AKAP13: variants seen among roughly 807,000 people sequenced by gnomAD.
AKAP13 encodes A-kinase anchoring protein 13.
In AKAP13, 80 loss-of-function variants were observed where a neutral mutation model predicts 264.5. The observed-to-expected ratio is 0.30, with a 90% confidence interval of 0.25 to 0.36. AKAP13 has a LOEUF of 0.36. AKAP13 is among the 10% of genes least tolerant of loss of function. AKAP13 has a pLI of 1.00. For synonymous variants in AKAP13, 1,380 were observed against 1,250.2 expected (o/e 1.10, Z -2.19); for missense variants, 3,712 against 3,435.2 (o/e 1.08, Z -2.01).
intron 1 of AKAP13, among the ~76,000 whole-genome samples, chr15:85,473,265 A>G (rs2151027136): frequency 6.6e-6 from 1 of 152,288 alleles, no homozygotes; most frequent in South Asian, 2.1e-4. Flanking sequence ...GGGTGGGAGT[A>G]AAGAGTAGGG....
At chr15:85,419,247 C>T (rs187171307) in intron 1 of AKAP13, among the ~76,000 whole-genome samples, 9 of 152,232 alleles carry the variant, frequency 5.9e-5, no homozygotes, top group Admixed American at 5.2e-4. Context: ...TAAAAGAATG[C>T]GTGGTTCTGA....
Position 85,708,015 on chromosome 15 carries a change from T to A in AKAP13, c.5465-4T>A. Reference sequence around the variant, plus strand: ...ATGTGACCTTGGGTTTGCTTTCTTTTCAGATTGCAGTGCTTTTGTCCACAA... The same window carrying A: ...ATGTGACCTTGGGTTTGCTTTCTTTACAGATTGCAGTGCTTTTGTCCACAA... On this transcript the variant is annotated splice_region_variant and splice_polypyrimidine_tract_variant and intron_variant, in intron 17 of 36. Coordinates refer to ENST00000394518, the MANE Select transcript of AKAP13 (RefSeq NM_007200.5). This position sits in a 1 kb window ranked among gnomAD's most constrained non-coding sequence, Gnocchi z 4.3. The A allele has an allele frequency of 6.2e-7, 1 of 1,613,794 alleles. No homozygotes were observed. Among genetic ancestry groups the A allele is most frequent in the Non-Finnish European group, 8.5e-7 (1 of 1,179,766 alleles).
At chr15:85,384,615 G>C (rs2070459228) in intron 1 of AKAP13, among the ~76,000 whole-genome samples, 1 of 152,032 alleles carries the variant, frequency 6.6e-6, no homozygotes, top group African/African-American at 2.4e-5. Flanking sequence ...TACTTGGGAG[G>C]CTGAGGCAGG....
intron 14 of AKAP13, among the ~76,000 whole-genome samples, chr15:85,681,942 T>G (rs1368821026): frequency 1.3e-5 from 2 of 152,306 alleles, no homozygotes; most frequent in East Asian, 1.9e-4. Context: ...TAAACTTATT[T>G]TCTTCATGAG....
chr15:85,423,301 C>T (rs564348067), intron 1 of AKAP13, among the ~76,000 whole-genome samples: 2 of 152,318 alleles, frequency 1.3e-5, no homozygotes, highest in South Asian at 4.1e-4. Context: ...ACAGTAGAAA[C>T]TCATTTCAAA....
intron 36 of AKAP13, 125 bp downstream of exon 36, chr15:85,743,950 C>G (rs2089248067): frequency 8.9e-7 from 1 of 1,124,762 alleles, no homozygotes; most frequent in Non-Finnish European, 1.2e-6. Flanking sequence ...GCCAAACTGC[C>G]ATCCTTTTCA....
chr15:85,467,375 G>A (rs2074783362), intron 1 of AKAP13, among the ~76,000 whole-genome samples: 1 of 152,004 alleles, frequency 6.6e-6, no homozygotes, highest in Admixed American at 6.6e-5. Context: ...CCGCTTCACA[G>A]CATCCTCATA....
intron 3 of AKAP13, among the ~76,000 whole-genome samples, chr15:85,524,603 GGATT>G (rs1377919479): frequency 6.6e-6 from 1 of 152,068 alleles, no homozygotes; most frequent in Non-Finnish European, 1.5e-5. Context: ...TAAAACCAAA[GGATT>G]GATTAACCTT....
At position 85,723,111 on chromosome 15, in the gene AKAP13, G is replaced by A. The variant is rs3743323; in HGVS notation, c.6536G>A (p.Ser2179Asn). Residue 2179 changes from serine (S) to asparagine (N), a missense_variant, in exon 26 of 37, where the codon AGC (serine) becomes AAC (asparagine). This residue lies in a region of AKAP13 where 342 missense variants were observed against 484.3 expected (regional missense o/e 0.71). Transcript: ENST00000394518. ...VEQEDLAQSL[S>N]LVKDVIGAVD... ...CAGGAAGATCTAGCACAGTCCTTGA[G>A]CCTGGTGAAGGATGTGATTGGAGCT... is the stretch of plus-strand genomic sequence containing the variant. The A allele has an allele frequency of 7.0e-5, 113 of 1,614,152 alleles. No individual in the cohort carries two copies. The East Asian group carries it at 2.5e-3, about 35-fold the overall frequency.
chr15:85,544,008 G>A lies in AKAP13; in HGVS notation c.662+53G>A, dbSNP rs374727053. 86 of 1,594,972 alleles carry A rather than the reference G, an allele frequency of 5.4e-5. 1 individual carries two copies. In the South Asian group the frequency reaches 6.4e-4, roughly 12 times the overall value. On this transcript the variant is annotated intron_variant, in intron 5 of 36. Transcript: ENST00000394518. ...TCCTCTCATCCCCAGCCCCACCCCCGATTCATAGGAGTACCACCCACTTGG... is the reference window on the plus strand; with the variant it reads ...TCCTCTCATCCCCAGCCCCACCCCCAATTCATAGGAGTACCACCCACTTGG...
intron 1 of AKAP13, among the ~76,000 whole-genome samples, chr15:85,407,576 G>T (rs1265796804): frequency 6.6e-6 from 1 of 151,524 alleles, no homozygotes; most frequent in Non-Finnish European, 1.5e-5. Context: ...GAATTTGCCA[G>T]GCCTGGGTTG....
chr15:85,606,423 C>T (rs1567151844), intron 8 of AKAP13, among the ~76,000 whole-genome samples: 1 of 152,076 alleles, frequency 6.6e-6, no homozygotes, highest in Non-Finnish European at 1.5e-5. Flanking sequence ...TACCCTTGAG[C>T]ATAGGTTCCT....
At chr15:85,613,630 G>C (rs1255045983) in intron 8 of AKAP13, among the ~76,000 whole-genome samples, 5 of 141,740 alleles carry the variant, frequency 3.5e-5, no homozygotes, top group South Asian at 2.3e-4. Flanking sequence ...GCAGTGAGCC[G>C]AGATCTCACC....
intron 1 of AKAP13, among the ~76,000 whole-genome samples, chr15:85,443,576 CA>C (rs2073788613): frequency 6.6e-6 from 1 of 152,012 alleles, no homozygotes. Context: ...AGAGTATTTG[CA>C]GTTGTAACAC....
chr15:85,555,637 T>C (rs547506725), intron 5 of AKAP13: 97 of 485,738 alleles, frequency 2.0e-4, no homozygotes, highest in African/African-American at 1.9e-3. Flanking sequence ...AAAGTGTTCT[T>C]CTCTGCAGTT....
intron 1 of AKAP13, among the ~76,000 whole-genome samples, chr15:85,414,825 G>C (rs1315931958): frequency 2.0e-5 from 3 of 152,206 alleles, no homozygotes; most frequent in African/African-American, 7.2e-5. Flanking sequence ...TCTTGTCTTA[G>C]GCTTTGCCTT....
At chr15:85,673,093 A>G (rs1597005393) in intron 14 of AKAP13, among the ~76,000 whole-genome samples, 1 of 152,226 alleles carries the variant, frequency 6.6e-6, no homozygotes, top group East Asian at 1.9e-4. Flanking sequence ...AAACTTGAGC[A>G]TTTCTGGAAA....
intron 25 of AKAP13, among the ~76,000 whole-genome samples, 192 bp from the exon 26 acceptor site, chr15:85,722,880 A>ACC (rs2087380397): frequency 6.6e-6 from 1 of 152,122 alleles, no homozygotes; most frequent in Non-Finnish European, 1.5e-5. Flanking sequence ...ATCATTGAAA[A>ACC]CTTCTGACTT....
chr15:85,397,229 A>G (rs1042567956), intron 1 of AKAP13, among the ~76,000 whole-genome samples: 4 of 152,104 alleles, frequency 2.6e-5, no homozygotes, highest in Non-Finnish European at 5.9e-5. Flanking sequence ...CAACTGATAC[A>G]TTGTTTTTCA....
Sources: gnomAD v4.1 joint callset for allele counts (sites outside exome capture counted in the v4.1 genomes callset) on GRCh38, gnomAD v4.1.1 for gene constraint, gnomAD v4.1.1 regional missense constraint, Gnocchi (gnomAD v3.1) non-coding constraint, MANE v1.5 for transcripts, NCBI Gene and HGNC (gene_info 2026-07-23, HGNC 2026-07-21) for gene names.